ZNF396: variants seen among roughly 807,000 people sequenced by gnomAD.
The protein encoded by ZNF396 is zinc finger protein 396.
In ZNF396, 14 loss-of-function variants were observed where a neutral mutation model predicts 20.5. The observed-to-expected ratio is 0.68, with a 90% CI of 0.45 to 1.07. ZNF396 has a LOEUF of 1.07. ZNF396 is among the 50% of genes least tolerant of loss of function. ZNF396 has a pLI of 0.00. For missense variants in ZNF396, 347 were observed against 390.1 expected (o/e 0.89, Z 0.93); for synonymous variants, 119 against 140.6 (o/e 0.85, Z 1.08).
chr18:35,373,371 G>T, intron 3 of ZNF396, 85 bp downstream of exon 3: 1 of 1,458,198 alleles, frequency 6.9e-7, no homozygotes, highest in South Asian at 1.5e-5. Context: ...GAGATTTGAG[G>T]CCTCTTGCAT....
In ZNF396 at chr18:35,369,456, C is replaced by T. The variant is rs756901477; in HGVS notation, c.767G>A (p.Cys256Tyr). 4 of 1,614,214 alleles carry T rather than the reference C, an allele frequency of 2.5e-6. No individual in the cohort carries two copies. Among genetic ancestry groups the T allele is most frequent in the Admixed American group, 3.3e-5 (2 of 60,030 alleles). ...SWKKQQKCDE[C>Y]GKIFSQSSAL... The stretch of plus-strand genomic sequence containing the variant: ...TGAGCTCTGACTAAAGATTTTGCCA[C>T]ATTCATCACATTTCTGTTGTTTTTT... The change falls in exon 4 of 4, where the codon TGT (cysteine) becomes TAT (tyrosine). Residue 256 changes from cysteine to tyrosine, a missense_variant. Physicochemically the swap from Cys to Tyr is radical, Grantham distance 194. Transcript: ENST00000589332.
Position 35,373,032 on chromosome 18 carries a change from C to T in ZNF396, c.562+424G>A, listed in dbSNP as rs151071521. ...GGAGTAGAGAAGTGTATTCAAAGCA[C>T]GTATGAGAGCAAAGTCACCTTAGCA... On this transcript the variant is annotated intron_variant, in intron 3 of 3. Coordinates refer to ENST00000589332, the MANE Select transcript of ZNF396 (RefSeq NM_001322286.2). 2.5e-3 allele frequency: 446 copies of T among 181,290 alleles called. 1 individual carries two copies. Among genetic ancestry groups the T allele is most frequent in the Non-Finnish European group, 3.7e-3 (325 of 88,060 alleles). The allele number at this position is 181,290 out of a possible 1,614,324, so 11.2% of individuals were successfully genotyped here.
intron 1 of ZNF396, among the ~76,000 whole-genome samples, chr18:35,375,351 TC>T: frequency 6.6e-6 from 1 of 152,014 alleles, no homozygotes; most frequent in Non-Finnish European, 1.5e-5. Flanking sequence ...TGAATGTATT[TC>T]TATTTTTTTC....
intron 2 of ZNF396, 87 bp downstream of exon 2, chr18:35,373,789 G>T: frequency 6.5e-7 from 1 of 1,528,530 alleles, no homozygotes; most frequent in Admixed American, 2.0e-5. Flanking sequence ...TGCTGAGTGG[G>T]AATACAGTTT....
At chr18:35,370,750 T>C (rs2045168140) in intron 3 of ZNF396, among the ~76,000 whole-genome samples, 1 of 151,886 alleles carries the variant, frequency 6.6e-6, no homozygotes, top group Non-Finnish European at 1.5e-5. Context: ...CCTGACCTCG[T>C]GATCCGCCCG....
At position 35,369,048 on chromosome 18, in the gene ZNF396, T is replaced by C. The variant is rs2143890564; in HGVS notation, c.*167A>G. ...CTGCATTGATAAGCAGAAAAGCAAATAATGCTGACCTGAGATCTTCAACCT... is the reference window on the plus strand; with the variant it reads ...CTGCATTGATAAGCAGAAAAGCAAACAATGCTGACCTGAGATCTTCAACCT... On this transcript the variant is annotated 3_prime_UTR_variant, in exon 4 of 4. Coordinates refer to ENST00000589332, the MANE Select transcript of ZNF396 (RefSeq NM_001322286.2). The C allele has an allele frequency of 7.2e-7, 1 of 1,381,786 alleles. No homozygotes were observed. Among genetic ancestry groups the C allele is most frequent in the East Asian group, 2.7e-5 (1 of 37,552 alleles). The allele number at this position is 1,381,786 out of a possible 1,614,324, so 85.6% of individuals were successfully genotyped here. A position where few individuals can be genotyped will look rare whatever the true frequency, so the allele number is the denominator to read the frequency against.
In ZNF396 at chr18:35,373,633, C is replaced by T. The variant is rs537872284; in HGVS notation, c.418-33G>A. On this transcript the variant is annotated intron_variant, in intron 2 of 3. Coordinates refer to ENST00000589332, the MANE Select transcript of ZNF396 (RefSeq NM_001322286.2). The stretch of plus-strand genomic sequence containing the variant: ...CAGGAATAATTGAGGCTGAAGAACA[C>T]CATCAGGTTGGGACTTGAGGATAAA... 78 of 1,609,182 alleles carry T rather than the reference C, an allele frequency of 4.8e-5. 2 individuals carry two copies. In the South Asian group the frequency reaches 6.6e-4, roughly 14 times the overall value.
At position 35,373,080 on chromosome 18, in the gene ZNF396, G is replaced by C. The variant is rs185138483; in HGVS notation, c.562+376C>G. 303 of 245,414 alleles carry C rather than the reference G, an allele frequency of 1.2e-3. 1 individual carries two copies. The highest frequency in any genetic ancestry group is 1.8e-3 in the Non-Finnish European group (235 of 129,768). The allele number at this position is 245,414 out of a possible 1,614,324, so 15.2% of individuals were successfully genotyped here. A position where few individuals can be genotyped will look rare whatever the true frequency, so the allele number is the denominator to read the frequency against. ...GCAGCAATATAGGCGATTCTGCTAC[G>C]AGATCCCACCAGTAACTGAGCAGTT... On this transcript the variant is annotated intron_variant, in intron 3 of 3. Transcript: ENST00000589332.
At chr18:35,373,749 T>A in intron 2 of ZNF396, 127 bp downstream of exon 2, 4 of 1,490,272 alleles carry the variant, frequency 2.7e-6, no homozygotes, top group Non-Finnish European at 3.6e-6. Flanking sequence ...GGGACACCCA[T>A]TAGTACTTTC....
rs2045148401 is a variant in ZNF396 at position 35,369,767 on chromosome 18, G to A, written c.563-107C>T. On this transcript the variant is annotated intron_variant, in intron 3 of 3. Transcript: ENST00000589332. ...TAAAACAACACACAATGTGAAGGAC[G>A]GAGAGTGTAAGACAAAATATTGAGA... is the stretch of plus-strand genomic sequence containing the variant. 10 of 1,180,688 alleles carry A rather than the reference G, an allele frequency of 8.5e-6. 1 individual carries two copies. The highest frequency in any genetic ancestry group is 7.4e-5 in the East Asian group (3 of 40,760). 73.1% of individuals were successfully genotyped at this position (1,180,688 alleles called of 1,614,324 possible).
In ZNF396 at chr18:35,374,435, G is replaced by C; in HGVS notation, c.-72-71C>G. On this transcript the variant is annotated intron_variant, in intron 1 of 3. Coordinates refer to ENST00000589332, the MANE Select transcript of ZNF396 (RefSeq NM_001322286.2). This position sits in a 1 kb window ranked among gnomAD's most constrained non-coding sequence, Gnocchi z 4.3. ...ATGCTTCTTAGAACAAAACAACTAA[G>C]ATTAGAAACATAAGACTGTATAGGA... 1.3e-6 allele frequency: 1 copy of C among 747,002 alleles called. No homozygotes were observed. The highest frequency in any genetic ancestry group is 2.1e-6 in the Non-Finnish European group (1 of 470,822). The allele number at this position is 747,002 out of a possible 1,614,324, so 46.3% of individuals were successfully genotyped here.
intron 3 of ZNF396, among the ~76,000 whole-genome samples, chr18:35,371,360 T>G (rs758531434): frequency 6.6e-6 from 1 of 152,232 alleles, no homozygotes; most frequent in African/African-American, 2.4e-5. Flanking sequence ...GAATTTAAAA[T>G]TATTTATTGT....
At position 35,373,517 on chromosome 18, in the gene ZNF396, G is replaced by A. The variant is rs1364028935; in HGVS notation, c.501C>T (p.Leu167=). 6.2e-7 allele frequency: 1 copy of A among 1,614,152 alleles called. No homozygotes were observed. The highest frequency in any genetic ancestry group is 1.7e-5 in the Admixed American group (1 of 60,020). The change falls in exon 3 of 4, where the codon CTC becomes CTT. Residue 167 remains leucine, a synonymous_variant. Transcript: ENST00000589332. ...EITEELPSSQ[L]MPVKKQLQGA... is the part of the protein sequence containing the mutation. ...CCTGGAGCTGCTTCTTCACGGGCAT[G>A]AGCTGGCTACTTGGCAATTCCTCAG...
chr18:35,371,390 GTC>G (rs1197595222), intron 3 of ZNF396, among the ~76,000 whole-genome samples: 1 of 152,142 alleles, frequency 6.6e-6, no homozygotes, highest in Non-Finnish European at 1.5e-5. Flanking sequence ...CAAATATGGT[GTC>G]TCAGTCCATT....
rs1278490630 is a variant in ZNF396, at chr18:35,368,730, G to C, written c.*485C>G. The C allele has an allele frequency of 4.0e-6, 4 of 988,894 alleles. No homozygotes were observed. Among genetic ancestry groups the C allele is most frequent in the Non-Finnish European group, 4.8e-6 (4 of 832,520 alleles). 61.3% of individuals were successfully genotyped at this position (988,894 alleles called of 1,614,324 possible). On this transcript the variant is annotated 3_prime_UTR_variant, in exon 4 of 4. Coordinates refer to ENST00000589332, the MANE Select transcript of ZNF396 (RefSeq NM_001322286.2). ...GCCTCCCAAAGTGCTAGGATTACAG[G>C]CATGAGCCAACCGCACCCAGCCAGG...
In ZNF396 at chr18:35,369,320, A is replaced by C. The variant is rs566238013; in HGVS notation, c.903T>G (p.His301Gln). The C allele has an allele frequency of 6.2e-6, 10 of 1,614,224 alleles. No homozygotes were observed. The highest frequency in any genetic ancestry group is 8.5e-6 in the Non-Finnish European group (10 of 1,180,046). Residue 301 changes from histidine to glutamine, a missense_variant, in exon 4 of 4, where the codon CAT becomes CAG. Transcript: ENST00000589332. The part of the protein sequence containing the change: ...SAILIQHRRT[H>Q]TGEKPYKCHD... ...GACACTTGTAGGGCTTCTCACCAGT[A>C]TGGGTTCGTCGATGCTGAATCAGAA...
intron 2 of ZNF396, 39 bp downstream of exon 2, chr18:35,373,837 C>G (rs2045218494): frequency 1.9e-6 from 3 of 1,577,086 alleles, no homozygotes; most frequent in Non-Finnish European, 2.6e-6. Flanking sequence ...GTGCTCTTGA[C>G]TCAGCCTGGG....
chr18:35,370,292 TA>T (rs1352593511), intron 3 of ZNF396, among the ~76,000 whole-genome samples: 1 of 152,116 alleles, frequency 6.6e-6, no homozygotes, highest in Non-Finnish European at 1.5e-5. Flanking sequence ...TTTGTTGTAT[TA>T]TTTTGTATTA....
At chr18:35,375,330 G>A (rs1000126258) in intron 1 of ZNF396, among the ~76,000 whole-genome samples, 13 of 149,918 alleles carry the variant, frequency 8.7e-5, no homozygotes, top group African/African-American at 2.9e-4. Context: ...AGGCAATCAC[G>A]TTCCTTCATC....
Sources: allele counts gnomAD v4.1 joint callset (sites outside exome capture counted in the v4.1 genomes callset), GRCh38; gene constraint gnomAD v4.1.1; non-coding constraint Gnocchi (gnomAD v3.1); transcripts MANE v1.5; gene names NCBI Gene and HGNC (gene_info 2026-07-23, HGNC 2026-07-21).